The following CTNND2 variants were observed in gnomAD, a reference collection of about 807,000 sequenced individuals.
The protein encoded by CTNND2 is catenin delta-2.
Under a neutral mutation model 144.4 loss-of-function variants are expected in CTNND2, and 22 were observed. The observed-to-expected ratio is 0.15, with a 90% CI of 0.11 to 0.22. The LOEUF (loss-of-function observed/expected upper bound fraction) is 0.22. Among genes scored for constraint, CTNND2 ranks in the 10% least tolerant of loss-of-function variants. The probability of loss-of-function intolerance (pLI) is 1.00; values close to 1 mark genes in which losing one functional copy is unlikely to be tolerated. For synonymous variants in CTNND2, 751 were observed against 695.6 expected (o/e 1.08, Z -1.25); for missense variants, 1,353 against 1,618.8 (o/e 0.84, Z 2.82).
chr5:11,257,163 A>G (rs955139883), intron 9 of CTNND2, among the ~76,000 whole-genome samples: 3 of 152,100 alleles, frequency 2.0e-5, no homozygotes, highest in Non-Finnish European at 2.9e-5. Flanking sequence ...GTGTAGCAGT[A>G]GGTTTTCTCC....
At chr5:11,792,112 C>T (rs1791163994) in intron 1 of CTNND2, among the ~76,000 whole-genome samples, 1 of 152,132 alleles carries the variant, frequency 6.6e-6, no homozygotes, top group Admixed American at 6.5e-5. Context: ...CTTCTCTAGA[C>T]CATGCGGTCT....
chr5:11,079,793 A>G (rs1358237323), intron 16 of CTNND2, among the ~76,000 whole-genome samples: 1 of 152,202 alleles, frequency 6.6e-6, no homozygotes, highest in Non-Finnish European at 1.5e-5. Context: ...CATATGGAAG[A>G]ATGAAACTAG....
In CTNND2 at chr5:11,419,067, T is replaced by G. The variant is rs1258743082; in HGVS notation, c.288-6998A>C. On this transcript the variant is annotated intron_variant, in intron 3 of 21. Transcript: ENST00000304623. ...AGATAGACATCTATATAGATATATATATAGAGAGAGAGAGAATAAAAACAT... is the reference window on the plus strand; with the variant it reads ...AGATAGACATCTATATAGATATATAGATAGAGAGAGAGAGAATAAAAACAT... Among the ~76,000 whole-genome samples, 7 of 132,574 alleles carry G rather than the reference T, an allele frequency of 5.3e-5. No homozygotes were observed. In the East Asian group the frequency reaches 1.2e-3, roughly 23 times the overall value. The allele number at this position is 132,574 out of a possible 152,430, so 87.0% of individuals were successfully genotyped here. A position where few individuals can be genotyped will look rare whatever the true frequency, so the allele number is the denominator to read the frequency against.
intron 2 of CTNND2, among the ~76,000 whole-genome samples, chr5:11,615,847 G>C (rs1272543090): frequency 1.3e-5 from 2 of 152,058 alleles, no homozygotes; most frequent in African/African-American, 4.8e-5. Flanking sequence ...ATGGCCAAGT[G>C]GCTACTGAAA....
chr5:11,522,129 G>A (rs384614), intron 3 of CTNND2, among the ~76,000 whole-genome samples: 63,698 of 151,688 alleles, frequency 0.42, 13,978 homozygotes, highest in South Asian at 0.55. Flanking sequence ...CATTAAATAG[G>A]TAACTGTTAA....
chr5:11,826,827 TA>T (rs1793627696), intron 1 of CTNND2, among the ~76,000 whole-genome samples: 1 of 151,904 alleles, frequency 6.6e-6, no homozygotes, highest in Non-Finnish European at 1.5e-5. Flanking sequence ...ATATGTAATA[TA>T]AAAATGTATA....
At chr5:11,361,081 C>T (rs541470181) in intron 8 of CTNND2, among the ~76,000 whole-genome samples, 7 of 152,136 alleles carry the variant, frequency 4.6e-5, no homozygotes, top group Non-Finnish European at 8.8e-5. Flanking sequence ...AGTGCAGTGG[C>T]GCGATCCTGG....
At chr5:11,569,449 TCAAA>T (rs536427439) in intron 2 of CTNND2, among the ~76,000 whole-genome samples, 172 of 152,302 alleles carry the variant, frequency 1.1e-3, no homozygotes, top group African/African-American at 4.0e-3. Flanking sequence ...AGAAAAATTA[TCAAA>T]CATTTTATAA....
chr5:11,052,748 G>A (rs537136468), intron 16 of CTNND2, among the ~76,000 whole-genome samples: 1 of 152,016 alleles, frequency 6.6e-6, no homozygotes, highest in Non-Finnish European at 1.5e-5. Flanking sequence ...TCTTTAGGGC[G>A]GCGGCCCTGG....
chr5:11,732,704 G>T (rs1157316785), intron 1 of CTNND2, among the ~76,000 whole-genome samples: 1 of 152,006 alleles, frequency 6.6e-6, no homozygotes, highest in African/African-American at 2.4e-5. Flanking sequence ...TTGGTTCCTG[G>T]CTCATATCTC....
intron 1 of CTNND2, among the ~76,000 whole-genome samples, chr5:11,853,664 C>A: frequency 6.6e-6 from 1 of 152,190 alleles, no homozygotes; most frequent in East Asian, 1.9e-4. Context: ...ACCTGCCCCA[C>A]TCACTTTCTT....
At chr5:11,128,982 T>A (rs188141514) in intron 12 of CTNND2, among the ~76,000 whole-genome samples, 10,180 of 45,416 alleles carry the variant, frequency 0.22, 2,662 homozygotes, top group East Asian at 0.66. Context: ...AATATATAAA[T>A]ATATATAATA....
intron 9 of CTNND2, among the ~76,000 whole-genome samples, chr5:11,336,826 A>G (rs533433072): frequency 2.0e-5 from 3 of 152,164 alleles, no homozygotes; most frequent in East Asian, 3.9e-4. Context: ...TCACACAAAT[A>G]CACTCATAAT....
chr5:11,894,753 G>A (rs1737262480), intron 1 of CTNND2, among the ~76,000 whole-genome samples: 1 of 152,134 alleles, frequency 6.6e-6, no homozygotes, highest in African/African-American at 2.4e-5. Context: ...ACAAGAGAAG[G>A]CAAGTGCCAA....
chr5:11,548,020 G>T (rs975189224), intron 3 of CTNND2, among the ~76,000 whole-genome samples: 2 of 152,058 alleles, frequency 1.3e-5, no homozygotes, highest in Admixed American at 6.5e-5. Flanking sequence ...ATGCCCTGTG[G>T]CATATTCAAA....
chr5:11,517,177 G>A (rs1340792590), intron 3 of CTNND2, among the ~76,000 whole-genome samples: 1 of 152,136 alleles, frequency 6.6e-6, no homozygotes, highest in African/African-American at 2.4e-5. Flanking sequence ...AAATACACTC[G>A]AATCATGCAA....
chr5:11,800,848 T>C (rs1311089334), intron 1 of CTNND2, among the ~76,000 whole-genome samples: 3 of 152,202 alleles, frequency 2.0e-5, no homozygotes, highest in African/African-American at 4.8e-5. Flanking sequence ...ATAAGTCTTA[T>C]TTATAAATCA....
chr5:11,360,510 C>T (rs1756339379), intron 8 of CTNND2, among the ~76,000 whole-genome samples: 1 of 152,102 alleles, frequency 6.6e-6, no homozygotes, highest in African/African-American at 2.4e-5. Context: ...TGAACCCGAG[C>T]TGGTAGAGCG....
intron 1 of CTNND2, among the ~76,000 whole-genome samples, chr5:11,776,080 T>C (rs1790238584): frequency 6.6e-6 from 1 of 152,108 alleles, no homozygotes; most frequent in Non-Finnish European, 1.5e-5. Context: ...TTCTGACACT[T>C]GGGTTTAGAA....
Sources: gnomAD v4.1 joint callset for allele counts (sites outside exome capture counted in the v4.1 genomes callset) on GRCh38, gnomAD v4.1.1 for gene constraint, MANE v1.5 for transcripts, NCBI Gene and HGNC (gene_info 2026-07-23, HGNC 2026-07-21) for gene names.